The following UBE2K variants were observed in gnomAD, a reference collection of about 807,000 sequenced individuals.
The protein encoded by UBE2K is ubiquitin conjugating enzyme E2 K.
UBE2K carries 6 observed loss-of-function variants against 30.0 expected under a neutral mutation model. The observed-to-expected ratio is 0.20, with a 90% CI of 0.11 to 0.39. UBE2K has a LOEUF of 0.39. Among genes scored for constraint, UBE2K ranks in the 10% least tolerant of loss-of-function variants. The pLI, the probability that UBE2K is intolerant of heterozygous loss-of-function variation, is 1.00. For synonymous variants in UBE2K, 86 were observed against 83.7 expected (o/e 1.03, Z -0.15); for missense variants, 61 against 241.6 (o/e 0.25, Z 4.96).
At chr4:39,721,501 G>C (rs774151786) in intron 1 of UBE2K, among the ~76,000 whole-genome samples, 7 of 151,880 alleles carry the variant, frequency 4.6e-5, no homozygotes, top group African/African-American at 7.3e-5. Flanking sequence ...CTACAGGCAC[G>C]TGCCACCACG....
chr4:39,771,153 G>A (rs1450063767), intron 4 of UBE2K: 1 of 1,612,660 alleles, frequency 6.2e-7, no homozygotes, highest in Non-Finnish European at 8.5e-7. Context: ...CCCTAACAGC[G>A]AATTCCAGGG....
At chr4:39,757,582 T>A (rs1367221858) in intron 4 of UBE2K, among the ~76,000 whole-genome samples, 2 of 152,166 alleles carry the variant, frequency 1.3e-5, no homozygotes, top group Non-Finnish European at 2.9e-5. Context: ...TCCATATAGA[T>A]CAAGACTTTC....
At chr4:39,749,708 T>TG (rs1471255706) in intron 3 of UBE2K, among the ~76,000 whole-genome samples, 1 of 152,046 alleles carries the variant, frequency 6.6e-6, no homozygotes, top group Non-Finnish European at 1.5e-5. Context: ...GTTGTGAATT[T>TG]TGCTCTTTTT....
chr4:39,762,158 TAC>T (rs1711991356), intron 4 of UBE2K, among the ~76,000 whole-genome samples: 1 of 150,750 alleles, frequency 6.6e-6, no homozygotes, highest in African/African-American at 2.4e-5. Context: ...CAGCCTGGGC[TAC>T]AGAGCGAGAC....
intron 3 of UBE2K, 124 bp downstream of exon 3, chr4:39,745,934 T>A: frequency 1.4e-6 from 1 of 693,404 alleles, no homozygotes; most frequent in South Asian, 2.7e-5. Flanking sequence ...CTGTGTAAAC[T>A]TGATGTGGAC....
chr4:39,732,129 T>C (rs954372311), intron 1 of UBE2K, among the ~76,000 whole-genome samples: 6 of 152,228 alleles, frequency 3.9e-5, no homozygotes, highest in African/African-American at 1.4e-4. Flanking sequence ...CAATGATAAA[T>C]TTAGCATTTA....
At chr4:39,744,038 T>C (rs1053306380) in intron 2 of UBE2K, among the ~76,000 whole-genome samples, 1 of 152,066 alleles carries the variant, frequency 6.6e-6, no homozygotes. Context: ...AATTTTTGTA[T>C]TTTAGGTAGA....
At chr4:39,747,458 T>G (rs1195685044) in intron 3 of UBE2K, among the ~76,000 whole-genome samples, 1 of 152,346 alleles carries the variant, frequency 6.6e-6, no homozygotes, top group South Asian at 2.1e-4. Context: ...TCATTTTGTG[T>G]CTGGCTTATA....
chr4:39,759,285 A>T (rs10032541), intron 4 of UBE2K, among the ~76,000 whole-genome samples: 2,624 of 150,372 alleles, frequency 0.017, 65 homozygotes, highest in African/African-American at 0.06. Context: ...TATTATTATT[A>T]TTTTTTTTTG....
Position 39,754,015 on chromosome 4 carries a change from C to T in UBE2K, c.217-1642C>T, listed in dbSNP as rs916545705. ...CCAGACTCCAGCCTGAGCGACAGCG[C>T]GAGACTCCTTCTCAAAAAAAAAGAG... On this transcript the variant is annotated intron_variant, in intron 3 of 6. Coordinates refer to ENST00000261427, the MANE Select transcript of UBE2K (RefSeq NM_005339.5). 3.9e-5 allele frequency among the ~76,000 whole-genome samples: 6 copies of T among 151,914 alleles called. No individual in the cohort carries two copies. The East Asian group carries it at 5.8e-4, about 15-fold the overall frequency.
In UBE2K at chr4:39,704,964, G is replaced by A. The variant is rs145456312; in HGVS notation, c.63+6574G>A. Among the ~76,000 whole-genome samples, 14 of 149,978 alleles carry A rather than the reference G, an allele frequency of 9.3e-5. No individual in the cohort carries two copies. In the East Asian group the frequency reaches 2.5e-3, roughly 27 times the overall value. ...CGGCTCACCGCAACCTCCGCCTCCCGGGTTCAAGCAATTCTCCTGTCTCAG... is the reference window on the plus strand; with the variant it reads ...CGGCTCACCGCAACCTCCGCCTCCCAGGTTCAAGCAATTCTCCTGTCTCAG... On this transcript the variant is annotated intron_variant, in intron 1 of 6. Coordinates refer to ENST00000261427, the MANE Select transcript of UBE2K (RefSeq NM_005339.5).
At chr4:39,759,530 G>A (rs1020678460) in intron 4 of UBE2K, among the ~76,000 whole-genome samples, 2 of 151,950 alleles carry the variant, frequency 1.3e-5, no homozygotes, top group Non-Finnish European at 1.5e-5. Context: ...GTGATCCACT[G>A]GCCTCGGCCT....
intron 4 of UBE2K, chr4:39,770,901 G>A (rs1259744783): frequency 6.5e-6 from 10 of 1,546,376 alleles, no homozygotes; most frequent in Non-Finnish European, 7.8e-6. Flanking sequence ...CAGCTTCACT[G>A]GCCGCAGGAG....
At chr4:39,757,006 TTTTTG>T (rs375707672) in intron 4 of UBE2K, among the ~76,000 whole-genome samples, 6 of 115,618 alleles carry the variant, frequency 5.2e-5, no homozygotes, top group Admixed American at 1.0e-4. Context: ...GGGTGTTTTT[TTTTTG>T]TTTTTTGTTT....
At chr4:39,715,062 G>C (rs1718972480) in intron 1 of UBE2K, among the ~76,000 whole-genome samples, 1 of 140,556 alleles carries the variant, frequency 7.1e-6, no homozygotes, top group South Asian at 2.3e-4. Context: ...GTCTCACTCT[G>C]TCACCCAGGC....
intron 1 of UBE2K, among the ~76,000 whole-genome samples, chr4:39,706,695 A>G (rs928971940): frequency 6.6e-5 from 10 of 151,524 alleles, no homozygotes; most frequent in Admixed American, 5.9e-4. Flanking sequence ...GGTCTCCCAA[A>G]GTGATAAGAT....
intron 1 of UBE2K, among the ~76,000 whole-genome samples, chr4:39,718,419 C>G (rs1445722318): frequency 1.3e-5 from 2 of 152,230 alleles, no homozygotes; most frequent in Non-Finnish European, 2.9e-5. Context: ...TTCTCCAAGT[C>G]CCCACTAGAC....
At chr4:39,714,517 C>CATATAT (rs71645182) in intron 1 of UBE2K, 11 of 41,634 alleles carry the variant, frequency 2.6e-4, no homozygotes, top group African/African-American at 9.3e-4. Flanking sequence ...TTAGAAGTTT[C>CATATAT]ATATATATAT....
At chr4:39,724,791 G>C (rs865928622) in intron 1 of UBE2K, among the ~76,000 whole-genome samples, 2 of 151,406 alleles carry the variant, frequency 1.3e-5, no homozygotes, top group Non-Finnish European at 2.9e-5. Flanking sequence ...AAAATGCTGG[G>C]CATGTTTTAC....
Sources: gnomAD v4.1 joint callset for allele counts (sites outside exome capture counted in the v4.1 genomes callset) on GRCh38, gnomAD v4.1.1 for gene constraint, MANE v1.5 for transcripts, NCBI Gene and HGNC (gene_info 2026-07-23, HGNC 2026-07-21) for gene names.